The following OPCML variants were observed in gnomAD, a reference collection of about 807,000 sequenced individuals.
OPCML encodes opioid binding protein/cell adhesion molecule like.
OPCML carries 13 observed loss-of-function variants against 37.8 expected under a neutral mutation model. The observed-to-expected ratio is 0.34, with a 90% CI of 0.22 to 0.55. The LOEUF is 0.55. Among genes scored for constraint, OPCML ranks in the 20% least tolerant of loss-of-function variants. The probability of loss-of-function intolerance (pLI) is 0.91; values close to 1 mark genes in which losing one functional copy is unlikely to be tolerated. For missense variants in OPCML, 341 were observed against 435.6 expected (o/e 0.78, Z 1.93); for synonymous variants, 176 against 168.8 (o/e 1.04, Z -0.33).
At chr11:132,677,555 A>G (rs1336510438) in intron 2 of OPCML, among the ~76,000 whole-genome samples, 1 of 152,196 alleles carries the variant, frequency 6.6e-6, no homozygotes, top group Non-Finnish European at 1.5e-5. Flanking sequence ...TGGCCAAAGA[A>G]TAGACTCCAA....
chr11:132,837,105 G>A (rs780298061), intron 2 of OPCML, among the ~76,000 whole-genome samples: 1 of 151,954 alleles, frequency 6.6e-6, no homozygotes, highest in Non-Finnish European at 1.5e-5. Flanking sequence ...ACCTGAGGTC[G>A]GGAGTTCGAG....
chr11:133,404,127 C>T (rs975968904), intron 1 of OPCML, among the ~76,000 whole-genome samples: 11 of 151,750 alleles, frequency 7.2e-5, no homozygotes, highest in Admixed American at 5.9e-4. Flanking sequence ...GGCTCCAATC[C>T]GGCCTCAGTC....
At chr11:132,923,399 C>G (rs949221802) in intron 2 of OPCML, among the ~76,000 whole-genome samples, 1 of 152,032 alleles carries the variant, frequency 6.6e-6, no homozygotes, top group African/African-American at 2.4e-5. Flanking sequence ...CCCAGCCGGG[C>G]TTGGAAGGCC....
At chr11:133,140,748 G>GGAAGAAGAAGACAACGAA (rs1949772453) in intron 1 of OPCML, among the ~76,000 whole-genome samples, 1 of 62,074 alleles carries the variant, frequency 1.6e-5, no homozygotes, top group African/African-American at 4.3e-5. Context: ...ACGACGACGA[G>GGAAGAAGAAGACAACGAA]GAAGAAGAAG....
intron 2 of OPCML, among the ~76,000 whole-genome samples, chr11:132,854,591 T>C (rs1941973549): frequency 6.6e-6 from 1 of 152,216 alleles, no homozygotes; most frequent in Non-Finnish European, 1.5e-5. Flanking sequence ...ACTGAAGAGA[T>C]TCCAAAGGTT....
chr11:133,170,173 G>A (rs1030264359), intron 1 of OPCML, among the ~76,000 whole-genome samples: 6 of 152,102 alleles, frequency 3.9e-5, no homozygotes, highest in African/African-American at 1.4e-4. Context: ...TTACTTTTCA[G>A]AATAAAAGGA....
At chr11:133,043,955 C>T (rs963342440) in intron 1 of OPCML, among the ~76,000 whole-genome samples, 8 of 152,174 alleles carry the variant, frequency 5.3e-5, no homozygotes, top group Non-Finnish European at 1.2e-4. Flanking sequence ...TATGCTGAAT[C>T]GAGGGGGGCA....
chr11:132,454,919 A>G (rs982649132), intron 4 of OPCML, among the ~76,000 whole-genome samples: 1 of 152,188 alleles, frequency 6.6e-6, no homozygotes, highest in South Asian at 2.1e-4. Context: ...CTGACCCTGG[A>G]CTGAATAAAC....
intron 1 of OPCML, among the ~76,000 whole-genome samples, chr11:133,088,594 C>T (rs932917975): frequency 1.3e-5 from 2 of 152,210 alleles, no homozygotes; most frequent in African/African-American, 4.8e-5. Flanking sequence ...ATAAAAATCA[C>T]TTGATATCAA....
chr11:133,127,688 C>T (rs900514515), intron 1 of OPCML, among the ~76,000 whole-genome samples: 2 of 151,234 alleles, frequency 1.3e-5, no homozygotes, highest in African/African-American at 4.9e-5. Context: ...CTACAATGTG[C>T]ACAGGCTTGT....
intron 1 of OPCML, among the ~76,000 whole-genome samples, chr11:132,980,199 T>A (rs1015241252): frequency 6.6e-6 from 1 of 152,106 alleles, no homozygotes; most frequent in Non-Finnish European, 1.5e-5. Flanking sequence ...GTAGATGGGG[T>A]ATTTCCTGAG....
intron 2 of OPCML, among the ~76,000 whole-genome samples, chr11:132,841,559 A>T (rs1941287466): frequency 2.0e-5 from 3 of 152,172 alleles, no homozygotes; most frequent in Admixed American, 2.0e-4. Context: ...TCAGTTGAGG[A>T]TAGGCAACAC....
chr11:132,493,672 A>G (rs2096222896), intron 4 of OPCML, among the ~76,000 whole-genome samples: 1 of 152,238 alleles, frequency 6.6e-6, no homozygotes, highest in Non-Finnish European at 1.5e-5. Context: ...AGAGCATCCC[A>G]GTGGGAGAGA....
intron 1 of OPCML, among the ~76,000 whole-genome samples, chr11:133,168,239 A>AT (rs1267306825): frequency 6.6e-6 from 1 of 152,232 alleles, no homozygotes; most frequent in East Asian, 1.9e-4. Flanking sequence ...CACCAGGGAG[A>AT]TACTCCAGGG....
In OPCML at chr11:133,294,815, C is replaced by CTTTTT. The variant is rs59382534; in HGVS notation, c.61+237444_61+237448dup. Among the ~76,000 whole-genome samples the CTTTTT allele has an allele frequency of 2.2e-3, 123 of 56,512 alleles. 1 individual carries two copies. The highest frequency in any genetic ancestry group is 4.9e-3 in the African/African-American group (59 of 12,150). The allele number at this position is 56,512 out of a possible 152,430, so 37.1% of individuals were successfully genotyped here. A position where few individuals can be genotyped will look rare whatever the true frequency, so the allele number is the denominator to read the frequency against. ...TTTTTTTTTCTTTCTTTCTTTCTTT[C>CTTTTT]TTTTTTTTTTTTTTTTTTTTTTTTT... On this transcript the variant is annotated intron_variant, in intron 1 of 7. Coordinates refer to ENST00000524381, the MANE Select transcript of OPCML (RefSeq NM_001012393.5).
At chr11:133,168,217 T>C (rs1490531497) in intron 1 of OPCML, among the ~76,000 whole-genome samples, 1 of 151,540 alleles carries the variant, frequency 6.6e-6, no homozygotes, top group African/African-American at 2.4e-5. Flanking sequence ...AATTGCGCAA[T>C]AGCAGCCATG....
chr11:132,992,386 C>T (rs1946799277), intron 1 of OPCML, among the ~76,000 whole-genome samples: 1 of 152,140 alleles, frequency 6.6e-6, no homozygotes, highest in South Asian at 2.1e-4. Flanking sequence ...AACTCCTATT[C>T]ATATTGCAAT....
chr11:132,993,487 CG>C (rs1946820456), intron 1 of OPCML, among the ~76,000 whole-genome samples: 1 of 152,178 alleles, frequency 6.6e-6, no homozygotes, highest in Non-Finnish European at 1.5e-5. Context: ...TGCTAACCAC[CG>C]TTGAGATGCC....
chr11:132,661,792 T>C lies in OPCML; in HGVS notation c.147-4473A>G, dbSNP rs149380776. ...ATTGCTTGTACTGCACCAGGCATAG[T>C]TGTAAGAACTTTCAATATATCAAAT... On this transcript the variant is annotated intron_variant, in intron 2 of 7. Coordinates refer to ENST00000524381, the MANE Select transcript of OPCML (RefSeq NM_001012393.5). 9.4e-3 allele frequency among the ~76,000 whole-genome samples: 1,435 copies of C among 152,368 alleles called. 8 individuals carry two copies. The highest frequency in any genetic ancestry group is 0.015 in the Non-Finnish European group (1,039 of 68,026).
Sources: gnomAD v4.1 joint callset for allele counts (sites outside exome capture counted in the v4.1 genomes callset) on GRCh38, gnomAD v4.1.1 for gene constraint, MANE v1.5 for transcripts, NCBI Gene and HGNC (gene_info 2026-07-23, HGNC 2026-07-21) for gene names.